The following LIPA variants were observed in gnomAD, a reference collection of about 807,000 sequenced individuals.
The protein encoded by LIPA is lipase A, lysosomal acid type.
Under a neutral mutation model 40.6 loss-of-function variants are expected in LIPA, and 26 were observed. That is an observed-to-expected ratio of 0.64 (90% CI 0.47 to 0.89). The LOEUF (loss-of-function observed/expected upper bound fraction) is 0.89. Ranked by LOEUF, LIPA falls within the 40% of genes least tolerant of loss-of-function variation. The pLI, the probability that LIPA is intolerant of heterozygous loss-of-function variation, is 0.00. For missense variants in LIPA, 455 were observed against 479.6 expected (o/e 0.95, Z 0.48); for synonymous variants, 188 against 168.4 (o/e 1.12, Z -0.90).
chr10:89,328,038 C>T, intron 1 of LIPA: 5 of 1,613,478 alleles, frequency 3.1e-6, no homozygotes, highest in Non-Finnish European at 4.2e-6. Context: ...GCCTGGTCAC[C>T]AGCTTTTCGG....
At chr10:89,280,963 CAAA>C (rs1449900177) in intron 1 of LIPA, among the ~76,000 whole-genome samples, 2 of 152,134 alleles carry the variant, frequency 1.3e-5, no homozygotes, top group African/African-American at 4.8e-5. Flanking sequence ...AAGTCTTAAA[CAAA>C]GAAGTACAAG....
intron 1 of LIPA, among the ~76,000 whole-genome samples, chr10:89,341,554 C>A (rs1043229771): frequency 6.6e-6 from 1 of 152,142 alleles, no homozygotes; most frequent in Admixed American, 6.5e-5. Context: ...ATAAGATGAT[C>A]ATTTGAACAC....
At chr10:89,266,490 C>T (rs951906185) in intron 1 of LIPA, among the ~76,000 whole-genome samples, 6 of 152,288 alleles carry the variant, frequency 3.9e-5, no homozygotes, top group South Asian at 2.1e-4. Flanking sequence ...AAATTACCTT[C>T]GGGCTATGTG....
intron 2 of LIPA, among the ~76,000 whole-genome samples, chr10:89,356,416 A>T (rs1258996074): frequency 1.3e-5 from 2 of 152,220 alleles, no homozygotes; most frequent in East Asian, 3.8e-4. Flanking sequence ...GGTGAGCAGC[A>T]GGCGAGCAAT....
intron 1 of LIPA, among the ~76,000 whole-genome samples, chr10:89,413,633 G>A (rs1057030036): frequency 1.3e-5 from 2 of 152,048 alleles, no homozygotes; most frequent in African/African-American, 2.4e-5. Flanking sequence ...CCGACATAGT[G>A]GTGCACGCAT....
intron 1 of LIPA, among the ~76,000 whole-genome samples, chr10:89,249,077 CT>C (rs1843077501): frequency 2.0e-5 from 3 of 152,204 alleles, no homozygotes; most frequent in Non-Finnish European, 4.4e-5. Flanking sequence ...GCTCTTCCTC[CT>C]ACTTATCTAA....
chr10:89,245,862 A>G, intron 2 of LIPA, 69 bp from the exon 3 acceptor site: 1 of 831,612 alleles, frequency 1.2e-6, no homozygotes, highest in Non-Finnish European at 2.1e-6. Context: ...TTAACAAGCA[A>G]AGGAGCAGAT....
chr10:89,233,998 T>C (rs6586177), intron 3 of LIPA, among the ~76,000 whole-genome samples: 4 of 151,722 alleles, frequency 2.6e-5, no homozygotes, highest in Non-Finnish European at 5.9e-5. Context: ...CTCGAGGGAG[T>C]CAGACACACG....
rs1334393868 is a variant in LIPA at position 89,247,598 on chromosome 10, C to T, written c.51G>A (p.Leu17=). Residue 17 remains leucine, a synonymous_variant, in exon 2 of 10, where the codon CTG becomes CTA. Coordinates refer to ENST00000336233, the MANE Select transcript of LIPA (RefSeq NM_000235.4). ...GTTTCCCTCCAGACCCCTCAGAATG[C>T]AGGGTCCAGAGAACCAAACAGACCA... ...GLVVCLVLWT[L]HSEGSGGKLT... is the part of the protein sequence containing the mutation. The T allele has an allele frequency of 6.2e-7, 1 of 1,613,368 alleles. No individual in the cohort carries two copies.
chr10:89,253,529 C>G (rs1468108692), upstream of LIPA, among the ~76,000 whole-genome samples: 3 of 152,122 alleles, frequency 2.0e-5, no homozygotes, highest in African/African-American at 7.2e-5. Flanking sequence ...ATTACAGGAG[C>G]TATAATTCAA....
intron 1 of LIPA, among the ~76,000 whole-genome samples, chr10:89,264,728 G>A (rs1266983589): frequency 6.6e-6 from 1 of 152,198 alleles, no homozygotes; most frequent in East Asian, 1.9e-4. Context: ...GTCCATGGGC[G>A]GCCATGGGTG....
At chr10:89,302,251 G>T in intron 1 of LIPA, 1 of 987,860 alleles carries the variant, frequency 1.0e-6, no homozygotes, top group Non-Finnish European at 1.6e-6. Flanking sequence ...GCCTTACTAT[G>T]CCTCTACCTC....
chr10:89,370,914 A>C (rs1038454135), intron 2 of LIPA, among the ~76,000 whole-genome samples: 1 of 152,214 alleles, frequency 6.6e-6, no homozygotes, highest in Non-Finnish European at 1.5e-5. Context: ...GCTACTCGGG[A>C]GGCTGAGACA....
chr10:89,218,793 G>A (rs1009564442), intron 8 of LIPA, among the ~76,000 whole-genome samples: 2 of 152,088 alleles, frequency 1.3e-5, no homozygotes, highest in South Asian at 4.1e-4. Context: ...TCATCAGTCT[G>A]GGCCACCTCT....
At chr10:89,306,635 G>A in intron 1 of LIPA, 2 of 1,614,138 alleles carry the variant, frequency 1.2e-6, no homozygotes, top group Non-Finnish European at 1.7e-6. Context: ...TGAAGAAGGT[G>A]AAGAGGAAGG....
At chr10:89,267,053 A>G (rs1843240262) in intron 1 of LIPA, among the ~76,000 whole-genome samples, 1 of 152,074 alleles carries the variant, frequency 6.6e-6, no homozygotes, top group Non-Finnish European at 1.5e-5. Flanking sequence ...CATCAAGTTT[A>G]CTCCCACACA....
intron 2 of LIPA, among the ~76,000 whole-genome samples, chr10:89,391,186 GT>G (rs773924758): frequency 1.3e-5 from 2 of 152,120 alleles, no homozygotes; most frequent in South Asian, 4.1e-4. Context: ...AAGTAGGTAG[GT>G]TTTTTTAAAG....
At chr10:89,409,193 C>T (rs1303651156) in intron 2 of LIPA, among the ~76,000 whole-genome samples, 1 of 152,138 alleles carries the variant, frequency 6.6e-6, no homozygotes, top group African/African-American at 2.4e-5. Context: ...AAAGCAAGCC[C>T]TGGGCCCTGA....
chr10:89,264,320 C>T (rs1248513054), intron 1 of LIPA, among the ~76,000 whole-genome samples: 2 of 152,218 alleles, frequency 1.3e-5, no homozygotes, highest in African/African-American at 2.4e-5. Flanking sequence ...AGCAACAGTA[C>T]AGCTCTCAGG....
Sources: gnomAD v4.1 joint callset for allele counts (sites outside exome capture counted in the v4.1 genomes callset) on GRCh38, gnomAD v4.1.1 for gene constraint, MANE v1.5 for transcripts, NCBI Gene and HGNC (gene_info 2026-07-23, HGNC 2026-07-21) for gene names.